Variants in RIMS2 observed in about 807,000 individuals in gnomAD.
RIMS2 encodes regulating synaptic membrane exocytosis 2, also known as regulating synaptic membrane exocytosis protein 2.
Under a neutral mutation model 174.4 loss-of-function variants are expected in RIMS2, and 59 were observed. The ratio of observed to expected loss-of-function variants is 0.34; its 90% CI spans 0.27 to 0.42. The LOEUF is 0.42. Among genes scored for constraint, RIMS2 ranks in the 10% least tolerant of loss-of-function variants. RIMS2 has a pLI of 1.00. For missense variants in RIMS2, 1,620 were observed against 1,666.3 expected (o/e 0.97, Z 0.48); for synonymous variants, 606 against 572.5 (o/e 1.06, Z -0.84).
chr8:103,507,864 T>C (rs891359782), intron 1 of RIMS2, among the ~76,000 whole-genome samples: 2 of 152,120 alleles, frequency 1.3e-5, no homozygotes, highest in Non-Finnish European at 2.9e-5. Flanking sequence ...CAGAAGGCTT[T>C]GGATAGAAAT....
At chr8:103,671,823 A>G (rs1204014136) in intron 1 of RIMS2, among the ~76,000 whole-genome samples, 1 of 152,204 alleles carries the variant, frequency 6.6e-6, no homozygotes, top group Non-Finnish European at 1.5e-5. Flanking sequence ...ACATATATTA[A>G]TAACGTATTC....
intron 1 of RIMS2, among the ~76,000 whole-genome samples, chr8:103,630,145 CAAA>C (rs56238550): frequency 2.9e-3 from 356 of 122,422 alleles, no homozygotes; most frequent in African/African-American, 5.9e-3. Flanking sequence ...AAACTGAAGA[CAAA>C]AAAAAAAAAA....
intron 20 of RIMS2, 52 bp from the exon 27 acceptor site, chr8:104,248,649 T>C: frequency 1.0e-6 from 1 of 987,576 alleles, no homozygotes; most frequent in East Asian, 2.4e-5. Context: ...CAAGCTTACC[T>C]GAAAATAAAT....
chr8:103,740,485 G>T (rs2097750433), intron 2 of RIMS2, among the ~76,000 whole-genome samples: 1 of 152,166 alleles, frequency 6.6e-6, no homozygotes, highest in Non-Finnish European at 1.5e-5. Context: ...CTCAATGGAA[G>T]ATGGTTATAG....
chr8:103,587,421 A>AAAGAAAGG (rs2093993882), intron 1 of RIMS2, among the ~76,000 whole-genome samples: 2 of 91,660 alleles, frequency 2.2e-5, no homozygotes, highest in South Asian at 3.0e-4. Context: ...AGAAAGAAAG[A>AAAGAAAGG]AAGAAAGAAA....
intron 11 of RIMS2, among the ~76,000 whole-genome samples, chr8:103,928,098 G>A (rs1041610330): frequency 2.0e-5 from 3 of 151,464 alleles, no homozygotes; most frequent in Non-Finnish European, 4.4e-5. Context: ...CTTTGTTAGT[G>A]ATTTTATATG....
intron 20 of RIMS2, among the ~76,000 whole-genome samples, chr8:104,246,138 C>T (rs1468917660): frequency 6.6e-6 from 1 of 152,072 alleles, no homozygotes; most frequent in African/African-American, 2.4e-5. Context: ...TGTTTATAGT[C>T]TTATTGGAAA....
At chr8:103,944,937 G>A (rs189446367) in intron 14 of RIMS2, among the ~76,000 whole-genome samples, 6 of 152,106 alleles carry the variant, frequency 3.9e-5, no homozygotes, top group Admixed American at 3.9e-4. Flanking sequence ...TGGCTAATTA[G>A]GCTAATAGGA....
At chr8:103,564,305 G>T (rs992314363) in intron 1 of RIMS2, among the ~76,000 whole-genome samples, 1 of 152,102 alleles carries the variant, frequency 6.6e-6, no homozygotes, top group African/African-American at 2.4e-5. Flanking sequence ...AGTCACTTTG[G>T]GAGACTATGG....
At chr8:103,863,226 A>G (rs750906721) in intron 3 of RIMS2, among the ~76,000 whole-genome samples, 41 of 152,066 alleles carry the variant, frequency 2.7e-4, no homozygotes, top group Non-Finnish European at 1.9e-4. Context: ...AGATAATCAT[A>G]TGCTTTTTGT....
At chr8:104,036,260 C>T (rs1299551871) in intron 19 of RIMS2, among the ~76,000 whole-genome samples, 1 of 151,928 alleles carries the variant, frequency 6.6e-6, no homozygotes, top group Non-Finnish European at 1.5e-5. Flanking sequence ...ACCCCATTCT[C>T]CTGCCTCAGC....
intron 3 of RIMS2, among the ~76,000 whole-genome samples, chr8:103,787,698 C>G (rs1414556284): frequency 6.6e-6 from 1 of 152,170 alleles, no homozygotes; most frequent in South Asian, 2.1e-4. Flanking sequence ...TCTGGCTGCC[C>G]TTAACATTTT....
At chr8:104,025,708 TAC>T (rs34638633) in intron 19 of RIMS2, among the ~76,000 whole-genome samples, 156 of 149,268 alleles carry the variant, frequency 1.0e-3, no homozygotes, top group African/African-American at 2.9e-3. Flanking sequence ...GTTAAACGTA[TAC>T]ACACACACAC....
chr8:103,626,935 C>G (rs1192689480), intron 1 of RIMS2, among the ~76,000 whole-genome samples: 3 of 152,138 alleles, frequency 2.0e-5, no homozygotes, highest in Non-Finnish European at 4.4e-5. Context: ...GGTCTATGTC[C>G]CGCTGTGCAT....
At chr8:104,020,826 A>C (rs2096068089) in intron 19 of RIMS2, among the ~76,000 whole-genome samples, 1 of 151,994 alleles carries the variant, frequency 6.6e-6, no homozygotes, top group South Asian at 2.1e-4. Context: ...TATACACATG[A>C]ATTAATATTG....
At position 103,989,257 on chromosome 8, in the gene RIMS2, G is replaced by A. The variant is rs758062527; in HGVS notation, c.2928-48G>A. ...GCTTTAAAATAAACCTCGTTTCTTA[G>A]TGTTTCAAATGGTTTACTAAGATAT... On this transcript the variant is annotated intron_variant, in intron 16 of 23. Coordinates refer to ENST00000504942, the Ensembl canonical transcript of RIMS2. The A allele has an allele frequency of 2.3e-5, 25 of 1,093,158 alleles. No homozygotes were observed. The East Asian group carries it at 5.2e-4, about 23-fold the overall frequency. The allele number at this position is 1,093,158 out of a possible 1,614,324, so 67.7% of individuals were successfully genotyped here.
At chr8:104,119,054 C>A (rs982060475) in intron 19 of RIMS2, among the ~76,000 whole-genome samples, 1 of 151,886 alleles carries the variant, frequency 6.6e-6, no homozygotes, top group Admixed American at 6.6e-5. Flanking sequence ...GGCACGGACA[C>A]GTACAAATTT....
intron 1 of RIMS2, among the ~76,000 whole-genome samples, chr8:103,564,577 A>C (rs2092093534): frequency 6.6e-6 from 1 of 152,184 alleles, no homozygotes; most frequent in Non-Finnish European, 1.5e-5. Flanking sequence ...CCACTGGTGT[A>C]AGTCCAAGAG....
intron 17 of RIMS2, among the ~76,000 whole-genome samples, chr8:103,994,821 T>C (rs925359543): frequency 3.3e-5 from 5 of 152,114 alleles, no homozygotes; most frequent in African/African-American, 9.7e-5. Flanking sequence ...AATTGATGCT[T>C]GATAAAGGTG....
Sources: allele counts gnomAD v4.1 joint callset (sites outside exome capture counted in the v4.1 genomes callset), GRCh38; gene constraint gnomAD v4.1.1; transcripts MANE v1.5; gene names NCBI Gene and HGNC (gene_info 2026-07-23, HGNC 2026-07-21).